The following DISC1 variants were observed in gnomAD, a reference collection of about 807,000 sequenced individuals.
DISC1 encodes disrupted in schizophrenia 1 protein.
Under a neutral mutation model 84.5 loss-of-function variants are expected in DISC1, and 57 were observed. The observed-to-expected ratio is 0.67, with a 90% CI of 0.55 to 0.84. The LOEUF is 0.84. Ranked by LOEUF, DISC1 falls within the 40% of genes least tolerant of loss-of-function variation. The pLI is 0.00. For synonymous variants in DISC1, 411 were observed against 415.2 expected (o/e 0.99, Z 0.12); for missense variants, 1,000 against 1,057.8 (o/e 0.95, Z 0.76).
intron 10 of DISC1, among the ~76,000 whole-genome samples, chr1:232,002,634 CACACAA>C (rs1445369311): frequency 1.9e-3 from 275 of 146,234 alleles, no homozygotes; most frequent in African/African-American, 6.9e-3. Flanking sequence ...CACACACACA[CACACAA>C]AAGCCAATCC....
chr1:231,750,384 T>C, intron 4 of DISC1: 15 of 1,152,682 alleles, frequency 1.3e-5, no homozygotes, highest in Non-Finnish European at 1.6e-5. Context: ...GGTAATTTCC[T>C]CTTGTTGAGG....
intron 9 of DISC1, among the ~76,000 whole-genome samples, chr1:231,840,744 G>A (rs1243694700): frequency 3.3e-5 from 5 of 151,080 alleles, no homozygotes; most frequent in Non-Finnish European, 7.4e-5. Context: ...GTCTCGCTCT[G>A]TCACCCAGGC....
chr1:231,881,610 G>T (rs2086294577), intron 9 of DISC1, among the ~76,000 whole-genome samples: 1 of 152,074 alleles, frequency 6.6e-6, no homozygotes, highest in African/African-American at 2.4e-5. Flanking sequence ...TTTTATGGAG[G>T]GGGGCACATA....
At chr1:231,809,999 C>T (rs909225184) in intron 8 of DISC1, among the ~76,000 whole-genome samples, 2 of 152,000 alleles carry the variant, frequency 1.3e-5, no homozygotes, top group African/African-American at 4.8e-5. Flanking sequence ...TAAAATAACC[C>T]CTAATGATAT....
intron 8 of DISC1, among the ~76,000 whole-genome samples, chr1:231,810,150 G>A (rs1054423359): frequency 6.6e-6 from 1 of 152,200 alleles, no homozygotes; most frequent in African/African-American, 2.4e-5. Flanking sequence ...AGAGGCATGG[G>A]CACTGTGTTC....
chr1:231,821,564 T>G (rs1032824537), intron 9 of DISC1, among the ~76,000 whole-genome samples: 8 of 152,198 alleles, frequency 5.3e-5, no homozygotes, highest in African/African-American at 1.9e-4. Context: ...TGCAGTGAAA[T>G]AGAAGGAAAA....
At chr1:231,628,677 C>T (rs576750565) in intron 1 of DISC1, among the ~76,000 whole-genome samples, 9 of 152,270 alleles carry the variant, frequency 5.9e-5, no homozygotes, top group Non-Finnish European at 1.2e-4. Context: ...TGTTCTTGGC[C>T]GCTTGCCAAA....
chr1:231,845,425 GA>G (rs1454451930), intron 9 of DISC1, among the ~76,000 whole-genome samples: 1 of 152,152 alleles, frequency 6.6e-6, no homozygotes, highest in African/African-American at 2.4e-5. Context: ...GGAGAGTGGG[GA>G]AAGGTCTGCT....
chr1:231,879,023 C>T (rs984818489), intron 9 of DISC1, among the ~76,000 whole-genome samples: 12 of 151,718 alleles, frequency 7.9e-5, no homozygotes, highest in African/African-American at 2.9e-4. Context: ...TAGTGTCTGG[C>T]TGTTTGGAAC....
rs111720082 is a variant in DISC1 at position 231,783,183 on chromosome 1, G to T, written c.1635-12059G>T. ...GGTTGAACTCACTTGAGTTTTTGGGGGTGGGGGAAAGCTCTAGAGCCCAAG... is the reference window on the plus strand; with the variant it reads ...GGTTGAACTCACTTGAGTTTTTGGGTGTGGGGGAAAGCTCTAGAGCCCAAG... On this transcript the variant is annotated intron_variant, in intron 6 of 12. Transcript: ENST00000439617. Among the ~76,000 whole-genome samples the T allele has an allele frequency of 7.2e-5, 11 of 152,186 alleles. 2 individuals are homozygous for T. The highest frequency in any genetic ancestry group is 2.4e-4 in the African/African-American group (10 of 41,536).
chr1:231,935,320 G>A (rs2090913684), intron 9 of DISC1, among the ~76,000 whole-genome samples: 1 of 152,166 alleles, frequency 6.6e-6, no homozygotes, highest in African/African-American at 2.4e-5. Context: ...CAAAAGATTG[G>A]GTGTTGGGGG....
chr1:231,970,926 G>A (rs1018510715), intron 10 of DISC1, among the ~76,000 whole-genome samples: 7 of 152,204 alleles, frequency 4.6e-5, no homozygotes, highest in South Asian at 2.1e-4. Context: ...TGATTTTTAC[G>A]TGGCCTGAGC....
At chr1:232,013,922 G>A (rs1393201838) in intron 11 of DISC1, among the ~76,000 whole-genome samples, 1 of 152,100 alleles carries the variant, frequency 6.6e-6, no homozygotes, top group African/African-American at 2.4e-5. Context: ...CATCCAGGGA[G>A]AAAAAGGAGT....
intron 1 of DISC1, among the ~76,000 whole-genome samples, chr1:231,643,782 C>T (rs1049679072): frequency 6.6e-6 from 1 of 152,110 alleles, no homozygotes; most frequent in East Asian, 1.9e-4. Context: ...GCTTAGCAAA[C>T]GGTAGCATAT....
At chr1:231,940,316 A>G (rs1219912367) in intron 9 of DISC1, among the ~76,000 whole-genome samples, 1 of 152,180 alleles carries the variant, frequency 6.6e-6, no homozygotes, top group Non-Finnish European at 1.5e-5. Flanking sequence ...GGGACTCAGC[A>G]CATACCTGCC....
chr1:231,638,378 G>C (rs1410550882), intron 1 of DISC1, among the ~76,000 whole-genome samples: 1 of 152,118 alleles, frequency 6.6e-6, no homozygotes, highest in Non-Finnish European at 1.5e-5. Context: ...GTTGTTGCCT[G>C]TGCTTTTGAG....
At chr1:231,855,461 AAC>A in intron 9 of DISC1, 1 of 979,556 alleles carries the variant, frequency 1.0e-6, no homozygotes, top group Non-Finnish European at 1.2e-6. Flanking sequence ...CATTAAGACA[AAC>A]ACACAAATAA....
rs535756911 is a variant in DISC1, at chr1:231,997,525, G to A, written c.2043-11260G>A. Reference sequence around the variant, plus strand: ...TGACCTTTTCTTCCTCCTTCACATTGCTGAGGAAGGCCAATCCTACCTAGG... The same window carrying A: ...TGACCTTTTCTTCCTCCTTCACATTACTGAGGAAGGCCAATCCTACCTAGG... On this transcript the variant is annotated intron_variant, in intron 10 of 12. Coordinates refer to ENST00000439617, the MANE Select transcript of DISC1 (RefSeq NM_018662.3). Among the ~76,000 whole-genome samples the A allele has an allele frequency of 3.3e-5, 5 of 152,184 alleles. No individual in the cohort carries two copies. The South Asian group carries it at 1.0e-3, about 32-fold the overall frequency.
chr1:231,685,327 C>A (rs1193827215), intron 1 of DISC1, among the ~76,000 whole-genome samples: 2 of 152,186 alleles, frequency 1.3e-5, no homozygotes, highest in African/African-American at 4.8e-5. Flanking sequence ...AGTCAGTTTT[C>A]ATCCTGCTGA....
Sources: allele counts gnomAD v4.1 joint callset (sites outside exome capture counted in the v4.1 genomes callset), GRCh38; gene constraint gnomAD v4.1.1; transcripts MANE v1.5; gene names NCBI Gene and HGNC (gene_info 2026-07-23, HGNC 2026-07-21).